The following ANO2 variants were observed in gnomAD, a reference collection of about 807,000 sequenced individuals.
The protein encoded by ANO2 is anoctamin 2.
Under a neutral mutation model 124.2 loss-of-function variants are expected in ANO2, and 101 were observed. The ratio of observed to expected loss-of-function variants is 0.81; its 90% CI spans 0.69 to 0.96. ANO2 has a LOEUF of 0.96. Among genes scored for constraint, ANO2 ranks in the 40% least tolerant of loss-of-function variants. The pLI, the probability that ANO2 is intolerant of heterozygous loss-of-function variation, is 0.00. For synonymous variants in ANO2, 486 were observed against 482.5 expected, an observed-to-expected ratio of 1.01 and a Z score of -0.09; for missense variants, 1,293 against 1,274.5, an observed-to-expected ratio of 1.01 and a Z score of -0.22.
intron 14 of ANO2, among the ~76,000 whole-genome samples, chr12:5,657,654 A>T (rs950622264): frequency 6.6e-6 from 1 of 152,130 alleles, no homozygotes; most frequent in Admixed American, 6.5e-5. Context: ...ACAAGTGGCC[A>T]TCTGGTCTCA....
intron 20 of ANO2, among the ~76,000 whole-genome samples, chr12:5,582,050 G>C (rs1942784538): frequency 6.6e-6 from 1 of 152,174 alleles, no homozygotes; most frequent in African/African-American, 2.4e-5. Context: ...AGTCCTTCTG[G>C]GCTCACTTCA....
intron 3 of ANO2, among the ~76,000 whole-genome samples, chr12:5,896,384 T>A (rs1939792577): frequency 6.6e-6 from 1 of 152,228 alleles, no homozygotes; most frequent in African/African-American, 2.4e-5. Context: ...CAGATAATTC[T>A]GATAATGCTC....
chr12:5,736,807 G>C (rs545131200), intron 13 of ANO2, among the ~76,000 whole-genome samples: 2 of 152,248 alleles, frequency 1.3e-5, no homozygotes, highest in African/African-American at 2.4e-5. Context: ...AAGATATCTT[G>C]TTGTTGCCTC....
intron 1 of ANO2, among the ~76,000 whole-genome samples, chr12:5,931,294 C>G (rs1659311543): frequency 6.6e-6 from 1 of 152,060 alleles, no homozygotes; most frequent in African/African-American, 2.4e-5. Context: ...TGCCAGGCTC[C>G]AAGCACAGCA....
At chr12:5,851,418 T>C (rs1379613423) in intron 4 of ANO2, among the ~76,000 whole-genome samples, 9 of 152,144 alleles carry the variant, frequency 5.9e-5, no homozygotes, top group Admixed American at 3.9e-4. Context: ...CTGGGTGTGG[T>C]GGCTCACGCT....
At chr12:5,748,794 C>G (rs1264562786) in intron 11 of ANO2, among the ~76,000 whole-genome samples, 1 of 150,858 alleles carries the variant, frequency 6.6e-6, no homozygotes, top group Non-Finnish European at 1.5e-5. Flanking sequence ...ATAAAGGACC[C>G]AGAACTCCCA....
intron 14 of ANO2, among the ~76,000 whole-genome samples, chr12:5,660,490 C>A (rs1947384693): frequency 7.2e-6 from 1 of 138,582 alleles, no homozygotes; most frequent in South Asian, 2.2e-4. Context: ...ACTCTCCACC[C>A]AGCTCCTCCC....
chr12:5,938,827 A>T (rs1413431621), intron 1 of ANO2, among the ~76,000 whole-genome samples: 10 of 151,960 alleles, frequency 6.6e-5, no homozygotes, highest in Non-Finnish European at 2.9e-5. Flanking sequence ...CTCTGTCTCA[A>T]AAAGAAAAAA....
chr12:5,896,144 TA>T (rs1565758314), intron 3 of ANO2, among the ~76,000 whole-genome samples: 2 of 151,962 alleles, frequency 1.3e-5, no homozygotes, highest in Admixed American at 1.3e-4. Flanking sequence ...GGGTGAGGTA[TA>T]AAAGACTACA....
intron 16 of ANO2, among the ~76,000 whole-genome samples, chr12:5,627,048 C>G (rs1371340650): frequency 6.6e-6 from 1 of 152,220 alleles, no homozygotes; most frequent in Non-Finnish European, 1.5e-5. Context: ...GGAAGGAATT[C>G]TTACCAGTTA....
chr12:5,699,585 C>T (rs1251785443), intron 14 of ANO2, among the ~76,000 whole-genome samples: 5 of 151,868 alleles, frequency 3.3e-5, no homozygotes, highest in East Asian at 1.9e-4. Flanking sequence ...CAAATTCACA[C>T]GTAACATATT....
intron 16 of ANO2, among the ~76,000 whole-genome samples, chr12:5,617,861 T>A (rs1944907685): frequency 6.6e-6 from 1 of 152,206 alleles, no homozygotes; most frequent in South Asian, 2.1e-4. Flanking sequence ...TATGTCCCTG[T>A]GTTAACTACC....
chr12:5,723,549 G>C (rs1343760889), intron 14 of ANO2, among the ~76,000 whole-genome samples: 1 of 149,590 alleles, frequency 6.7e-6, no homozygotes, highest in Non-Finnish European at 1.5e-5. Flanking sequence ...GGAGTGACTG[G>C]GGATGTGACT....
In ANO2 at chr12:5,575,876, T is replaced by C; in HGVS notation, c.2579A>G (p.Gln860Arg). Residue 860 changes from glutamine to arginine, a missense_variant, in exon 23 of 25, where the codon CAG (glutamine) becomes CGG (arginine). Transcript: ENST00000682330. ...CTGGTCAAACTGTGAGTTTTCTGGC[T>C]GCGTCCCCTCCTTCAGCTGGCTGAC... ...FNVSQLKEGTQPENSQFDQEV... is the reference protein window; with the variant it reads ...FNVSQLKEGTRPENSQFDQEV... 4 of 1,613,964 alleles carry C rather than the reference T, an allele frequency of 2.5e-6. No individual in the cohort carries two copies. Among genetic ancestry groups the C allele is most frequent in the Non-Finnish European group, 3.4e-6 (4 of 1,179,878 alleles).
At chr12:5,749,572 A>C (rs1024137551) in intron 11 of ANO2, among the ~76,000 whole-genome samples, 3 of 152,288 alleles carry the variant, frequency 2.0e-5, no homozygotes, top group Admixed American at 1.3e-4. Flanking sequence ...TTTCTTTTTC[A>C]CTTAATCTAG....
At chr12:5,727,120 G>A (rs904257252) in intron 14 of ANO2, among the ~76,000 whole-genome samples, 4 of 152,130 alleles carry the variant, frequency 2.6e-5, no homozygotes, top group South Asian at 2.1e-4. Context: ...TGTAATCCTC[G>A]GTGCTGGAGG....
intron 17 of ANO2, among the ~76,000 whole-genome samples, chr12:5,614,688 C>G (rs1467885943): frequency 6.6e-6 from 1 of 152,172 alleles, no homozygotes; most frequent in Admixed American, 6.5e-5. Flanking sequence ...ATTATTGAAT[C>G]TGATGGAGTA....
At chr12:5,763,665 A>C (rs755269808) in intron 10 of ANO2, among the ~76,000 whole-genome samples, 1 of 152,166 alleles carries the variant, frequency 6.6e-6, no homozygotes, top group Non-Finnish European at 1.5e-5. Flanking sequence ...GAAAATAACA[A>C]AACAGCGTAT....
intron 4 of ANO2, 25 bp downstream of exon 4, chr12:5,854,018 G>C: frequency 6.2e-7 from 1 of 1,604,052 alleles, no homozygotes. Context: ...AGGAGGCCCA[G>C]AACCCAGGAG....
Sources: gnomAD v4.1 joint callset for allele counts (sites outside exome capture counted in the v4.1 genomes callset) on GRCh38, gnomAD v4.1.1 for gene constraint, MANE v1.5 for transcripts, NCBI Gene and HGNC (gene_info 2026-07-23, HGNC 2026-07-21) for gene names.